AGO2: variants seen among roughly 807,000 people sequenced by gnomAD.
AGO2 encodes argonaute RISC catalytic component 2, also known as protein argonaute-2.
In AGO2, 5 loss-of-function variants were observed where a neutral mutation model predicts 102.3. That is an observed-to-expected ratio of 0.05 (90% confidence interval 0.03 to 0.10). AGO2 has a LOEUF of 0.10. Among genes scored for constraint, AGO2 ranks in the 10% least tolerant of loss-of-function variants. AGO2 has a pLI of 1.00. For missense variants in AGO2, 541 were observed against 1,183.7 expected (o/e 0.46, Z 7.97); for synonymous variants, 449 against 473.1 (o/e 0.95, Z 0.66).
intron 3 of AGO2, chr8:140,572,512 G>A: frequency 4.0e-6 from 1 of 247,396 alleles, no homozygotes; most frequent in Non-Finnish European, 7.7e-6. Context: ...CTAAGCTCTT[G>A]TCTGGCGGTG....
At chr8:140,634,870 T>A (rs1297088220) in intron 1 of AGO2, among the ~76,000 whole-genome samples, 1 of 152,034 alleles carries the variant, frequency 6.6e-6, no homozygotes, top group East Asian at 1.9e-4. Flanking sequence ...CAGACTTTCC[T>A]TGGGAAAAGG....
At chr8:140,640,581 G>A (rs1387087628), upstream of AGO2, among the ~76,000 whole-genome samples, 1 of 151,794 alleles carries the variant, frequency 6.6e-6, no homozygotes, top group East Asian at 1.9e-4. Context: ...TGCCAGTGGT[G>A]CAATCCCAGC....
chr8:140,640,399 G>A (rs2074433375), upstream of AGO2, among the ~76,000 whole-genome samples: 1 of 151,838 alleles, frequency 6.6e-6, no homozygotes, highest in African/African-American at 2.4e-5. Flanking sequence ...TTTTTAGTCT[G>A]GCACACTTAC....
intron 1 of AGO2, among the ~76,000 whole-genome samples, chr8:140,600,137 G>T (rs1484204830): frequency 1.3e-5 from 2 of 152,272 alleles, no homozygotes; most frequent in Non-Finnish European, 2.9e-5. Context: ...AATCCAGCCA[G>T]CTTGCTGAAC....
rs191837369 is a variant in AGO2 at position 140,609,209 on chromosome 8, G to A, written c.23-23898C>T. Reference sequence around the variant, plus strand: ...CTGAGCGGCTGCAGAGAGGACTGCGGGATCCTCAGCTATTTGGCAAAGTTC... The same window carrying A: ...CTGAGCGGCTGCAGAGAGGACTGCGAGATCCTCAGCTATTTGGCAAAGTTC... On this transcript the variant is annotated intron_variant, in intron 1 of 18. Transcript: ENST00000220592. Among the ~76,000 whole-genome samples, 8 of 152,376 alleles carry A rather than the reference G, an allele frequency of 5.3e-5. No homozygotes were observed. In the East Asian group the frequency reaches 1.5e-3, roughly 29 times the overall value.
chr8:140,540,222 G>A lies in AGO2; in HGVS notation c.2035-768C>T, dbSNP rs1023313836. 1.3e-5 allele frequency among the ~76,000 whole-genome samples: 2 copies of A among 152,236 alleles called. No individual in the cohort carries two copies. The highest frequency in any genetic ancestry group is 2.9e-5 in the Non-Finnish European group (2 of 68,044). The stretch of plus-strand genomic sequence containing the variant: ...AGGAGGCCATGGGTCTCGGGAACGA[G>A]CTCTGCTTCCGCTCTGGACTGGGAA... On this transcript the variant is annotated intron_variant, in intron 15 of 18. Transcript: ENST00000220592. The surrounding 1 kb of genome is among the most constrained non-coding windows in gnomAD (Gnocchi z 5.0).
At position 140,607,163 on chromosome 8, in the gene AGO2, C is replaced by G. The variant is rs554198235; in HGVS notation, c.23-21852G>C. 2.0e-4 allele frequency among the ~76,000 whole-genome samples: 31 copies of G among 151,418 alleles called. 2 individuals carry two copies. In the South Asian group the frequency reaches 5.8e-3, roughly 29 times the overall value. On this transcript the variant is annotated intron_variant, in intron 1 of 18. Transcript: ENST00000220592. ...ACTCAGGAGGCTGAGGCAGGAGAAT[C>G]GCTTGAAGCCAGGAGGCGGAGGTTG...
chr8:140,589,607 C>T lies in AGO2; in HGVS notation c.23-4296G>A, dbSNP rs2073716981. On this transcript the variant is annotated intron_variant, in intron 1 of 18. Coordinates refer to ENST00000220592, the MANE Select transcript of AGO2 (RefSeq NM_012154.5). The surrounding 1 kb of genome is among the most constrained non-coding windows in gnomAD (Gnocchi z 4.2). ...GCTTCCCGATGGTCCTCCTAGAACT[C>T]TGCATTCATTACACTGGGCATCAGC... Among the ~76,000 whole-genome samples, 1 of 152,230 alleles carries T rather than the reference C, an allele frequency of 6.6e-6. No individual in the cohort carries two copies. The highest frequency in any genetic ancestry group is 1.5e-5 in the Non-Finnish European group (1 of 68,038).
At chr8:140,621,562 G>T (rs1324552372) in intron 1 of AGO2, among the ~76,000 whole-genome samples, 1 of 152,078 alleles carries the variant, frequency 6.6e-6, no homozygotes, top group Non-Finnish European at 1.5e-5. Flanking sequence ...TCTGGGTACC[G>T]GACTCCCTTT....
At chr8:140,578,908 T>C (rs1474476781) in intron 2 of AGO2, among the ~76,000 whole-genome samples, 1 of 152,274 alleles carries the variant, frequency 6.6e-6, no homozygotes, top group Non-Finnish European at 1.5e-5. Context: ...CCTTTTGTCA[T>C]AATTCTGAGA....
intron 14 of AGO2, 55 bp downstream of exon 14, chr8:140,544,158 G>A (rs1411062026): frequency 2.1e-5 from 32 of 1,501,684 alleles, no homozygotes; most frequent in Non-Finnish European, 2.8e-5. Context: ...GTGGGACTTC[G>A]ACAGCGTCCT....
In AGO2 at chr8:140,556,152, G is replaced by A. The variant is rs201423302; in HGVS notation, c.1146+15C>T. 23 of 1,613,928 alleles carry A rather than the reference G, an allele frequency of 1.4e-5. No individual in the cohort carries two copies. Among genetic ancestry groups the A allele is most frequent in the South Asian group, 2.2e-5 (2 of 91,070 alleles). ...TGGATTCCACAGGGCAGCCCTGCCC[G>A]GGACTGACACTCACCAATTTGCTAA... is the stretch of plus-strand genomic sequence containing the variant. On this transcript the variant is annotated intron_variant, in intron 9 of 18. Coordinates refer to ENST00000220592, the MANE Select transcript of AGO2 (RefSeq NM_012154.5).
chr8:140,559,294 C>A, intron 6 of AGO2, 101 bp downstream of exon 6: 1 of 1,472,644 alleles, frequency 6.8e-7, no homozygotes, highest in Admixed American at 1.9e-5. Context: ...CCCCACCTCC[C>A]CAAATGCGCA....
At chr8:140,575,965 A>G (rs781352142) in intron 2 of AGO2, among the ~76,000 whole-genome samples, 1 of 152,228 alleles carries the variant, frequency 6.6e-6, no homozygotes, top group Non-Finnish European at 1.5e-5. Context: ...AGGCTCCATT[A>G]AAATTAATAA....
intron 1 of AGO2, chr8:140,593,144 CATGT>C (rs766748263): frequency 6.6e-6 from 1 of 152,356 alleles, no homozygotes; most frequent in East Asian, 1.9e-4. Context: ...CTACCTAACA[CATGT>C]ATGTTCCCTG....
chr8:140,583,852 C>T (rs903554549), intron 2 of AGO2, among the ~76,000 whole-genome samples: 15 of 152,096 alleles, frequency 9.9e-5, no homozygotes, highest in Non-Finnish European at 1.2e-4. Flanking sequence ...TCCAGGGTGA[C>T]AGAGCAAGAC....
chr8:140,632,536 T>C (rs1449328370), intron 1 of AGO2, among the ~76,000 whole-genome samples: 3 of 152,248 alleles, frequency 2.0e-5, no homozygotes, highest in African/African-American at 7.2e-5. Flanking sequence ...GTGGCAAATC[T>C]GCGAGGGGTG....
chr8:140,562,727 G>A, intron 3 of AGO2, 93 bp from the exon 4 acceptor site: 1 of 1,480,538 alleles, frequency 6.8e-7, no homozygotes, highest in Non-Finnish European at 9.1e-7. Flanking sequence ...ACACTCCTGG[G>A]TGAGGAAGTC....
rs143283872 is a variant in AGO2 at position 140,621,944 on chromosome 8, G to A, written c.22+13541C>T. 1.4e-4 allele frequency among the ~76,000 whole-genome samples: 21 copies of A among 152,208 alleles called. No individual in the cohort carries two copies. The East Asian group carries it at 3.1e-3, about 22-fold the overall frequency. ...TAGCCCATGAGAAATGAACACACAC[G>A]TCCACAGGAAAACTTGTACACAAAT... is the stretch of plus-strand genomic sequence containing the variant. On this transcript the variant is annotated intron_variant, in intron 1 of 18. Transcript: ENST00000220592.
Sources: allele counts gnomAD v4.1 joint callset (sites outside exome capture counted in the v4.1 genomes callset), GRCh38; gene constraint gnomAD v4.1.1; non-coding constraint Gnocchi (gnomAD v3.1); transcripts MANE v1.5; gene names NCBI Gene and HGNC (gene_info 2026-07-23, HGNC 2026-07-21).